Variants in IQSEC1 observed in about 807,000 individuals in gnomAD.
The protein encoded by IQSEC1 is IQ motif and SEC7 domain-containing protein 1.
Under a neutral mutation model 91.0 loss-of-function variants are expected in IQSEC1, and 31 were observed. That is an observed-to-expected ratio of 0.34 (90% CI 0.26 to 0.46). IQSEC1 has a LOEUF of 0.46. Ranked by LOEUF, IQSEC1 falls within the 20% of genes least tolerant of loss-of-function variation. The pLI, the probability that IQSEC1 is intolerant of heterozygous loss-of-function variation, is 1.00. For missense variants in IQSEC1, 1,388 were observed against 1,575.6 expected (o/e 0.88, Z 2.02); for synonymous variants, 699 against 662.6 (o/e 1.05, Z -0.84).
intron 1 of IQSEC1, among the ~76,000 whole-genome samples, chr3:13,276,012 G>A (rs925819252): frequency 2.7e-5 from 4 of 149,226 alleles, no homozygotes; most frequent in African/African-American, 7.4e-5. Context: ...TACAGCTCTT[G>A]CAACTTTTCT....
chr3:13,075,757 C>T (rs753176299), upstream of IQSEC1, among the ~76,000 whole-genome samples: 3 of 152,192 alleles, frequency 2.0e-5, no homozygotes, highest in Non-Finnish European at 2.9e-5. Flanking sequence ...CCTGCACTGG[C>T]GCGGTTTTGA....
At chr3:12,930,549 T>C (rs1363550655) in intron 3 of IQSEC1, among the ~76,000 whole-genome samples, 1 of 152,178 alleles carries the variant, frequency 6.6e-6, no homozygotes, top group Non-Finnish European at 1.5e-5. Flanking sequence ...AGAATCTCTC[T>C]TCCTCCTACT....
intron 2 of IQSEC1, among the ~76,000 whole-genome samples, chr3:13,090,764 C>T (rs1257869962): frequency 6.6e-6 from 1 of 152,188 alleles, no homozygotes; most frequent in Non-Finnish European, 1.5e-5. Context: ...AGGAGGCACA[C>T]TAAGGGGACC....
At chr3:13,026,415 A>T (rs1249354842) in intron 1 of IQSEC1, among the ~76,000 whole-genome samples, 2 of 152,108 alleles carry the variant, frequency 1.3e-5, no homozygotes, top group Non-Finnish European at 2.9e-5. Context: ...CAAGGCTCAA[A>T]CTCAGACGAC....
chr3:12,980,013 C>T (rs1173482048), intron 1 of IQSEC1, among the ~76,000 whole-genome samples: 1 of 152,236 alleles, frequency 6.6e-6, no homozygotes, highest in Non-Finnish European at 1.5e-5. Flanking sequence ...TCCTGTTCCA[C>T]TCTTCCTGGG....
chr3:13,202,881 G>A (rs905625002), intron 1 of IQSEC1, among the ~76,000 whole-genome samples: 46 of 152,114 alleles, frequency 3.0e-4, no homozygotes, highest in African/African-American at 1.0e-3. Context: ...TCCTTTACGC[G>A]TGATCAGTGT....
chr3:13,164,344 A>G (rs2124986950), intron 1 of IQSEC1, among the ~76,000 whole-genome samples: 1 of 152,224 alleles, frequency 6.6e-6, no homozygotes, highest in East Asian at 1.9e-4. Flanking sequence ...TCTTCTTAGA[A>G]GTCTTAGGGT....
At chr3:13,249,170 T>A (rs1289004085) in intron 1 of IQSEC1, among the ~76,000 whole-genome samples, 1 of 116,956 alleles carries the variant, frequency 8.6e-6, no homozygotes, top group African/African-American at 4.0e-5. Context: ...GGAATTTCTT[T>A]TTTTTTTTTT....
intron 1 of IQSEC1, among the ~76,000 whole-genome samples, chr3:12,977,485 C>G (rs360746): frequency 0.21 from 31,229 of 152,134 alleles, 3,657 homozygotes; most frequent in Admixed American, 0.29. Context: ...CTGAGGGAAT[C>G]TAGAAAAAAT....
chr3:13,007,151 C>A (rs925750399), intron 1 of IQSEC1, among the ~76,000 whole-genome samples: 1 of 152,224 alleles, frequency 6.6e-6, no homozygotes, highest in African/African-American at 2.4e-5. Flanking sequence ...CTGGCAGGGG[C>A]TGCATGAGAC....
intron 8 of IQSEC1, among the ~76,000 whole-genome samples, chr3:12,914,218 C>G (rs116779688): frequency 0.027 from 4,048 of 152,364 alleles, 195 homozygotes; most frequent in African/African-American, 0.091. Context: ...ATGCCCCTGA[C>G]AGCTCACGAA....
intron 1 of IQSEC1, among the ~76,000 whole-genome samples, chr3:13,245,748 C>T (rs1695097678): frequency 6.8e-6 from 1 of 146,226 alleles, no homozygotes; most frequent in Non-Finnish European, 1.5e-5. Context: ...GCCTCAGCAA[C>T]AGAGCCAGAC....
chr3:13,228,519 CTTAGA>C (rs1353124941), intron 1 of IQSEC1, among the ~76,000 whole-genome samples: 7 of 152,220 alleles, frequency 4.6e-5, no homozygotes, highest in African/African-American at 7.2e-5. Flanking sequence ...TTTTATTAAT[CTTAGA>C]TTAAACTATT....
intron 2 of IQSEC1, among the ~76,000 whole-genome samples, chr3:13,120,874 C>T (rs561639230): frequency 1.5e-4 from 23 of 152,328 alleles, no homozygotes; most frequent in African/African-American, 5.3e-4. Flanking sequence ...ATTAAGTCCT[C>T]GCACTCCTCT....
chr3:12,942,749 C>T (rs7635464), intron 1 of IQSEC1, among the ~76,000 whole-genome samples: 2,270 of 152,362 alleles, frequency 0.015, 60 homozygotes, highest in African/African-American at 0.052. Context: ...CACCTCAGCA[C>T]GGGACTGTGT....
At chr3:13,238,968 A>G (rs1005377603) in intron 1 of IQSEC1, among the ~76,000 whole-genome samples, 3 of 152,212 alleles carry the variant, frequency 2.0e-5, no homozygotes, top group African/African-American at 7.2e-5. Context: ...TTGTGCTTCA[A>G]GGAGCCCATG....
chr3:13,256,617 G>A (rs186461475), intron 1 of IQSEC1, among the ~76,000 whole-genome samples: 3 of 152,288 alleles, frequency 2.0e-5, no homozygotes, highest in African/African-American at 7.2e-5. Context: ...CAGCCTTCGG[G>A]ATATCTCACT....
chr3:13,083,518 G>C (rs113552954), intron 2 of IQSEC1, among the ~76,000 whole-genome samples: 9 of 152,372 alleles, frequency 5.9e-5, no homozygotes, highest in African/African-American at 1.9e-4. Flanking sequence ...TGCTGGATAA[G>C]TGTACCTGGG....
chr3:13,110,449 C>T (rs560029437), intron 2 of IQSEC1, among the ~76,000 whole-genome samples: 1 of 151,946 alleles, frequency 6.6e-6, no homozygotes, highest in African/African-American at 2.4e-5. Flanking sequence ...ATTAGCTAGG[C>T]GTGGTGGTGC....
Sources: gnomAD v4.1 joint callset for allele counts (sites outside exome capture counted in the v4.1 genomes callset) on GRCh38, gnomAD v4.1.1 for gene constraint, MANE v1.5 for transcripts, NCBI Gene and HGNC (gene_info 2026-07-23, HGNC 2026-07-21) for gene names.